ZFTRAF1: variants seen among roughly 807,000 people sequenced by gnomAD.
ZFTRAF1 encodes the protein zinc finger TRAF-type-containing protein 1.
At chr8:144,451,117 G>T in the ZFTRAF1 span, 1 of 262,124 alleles carries the variant, frequency 3.8e-6, no homozygotes, top group South Asian at 8.1e-5. Flanking sequence ...CACACAGACA[G>T]GATGCGGTTC....
the ZFTRAF1 span, chr8:144,451,077 C>T: frequency 2.9e-6 from 1 of 338,988 alleles, no homozygotes; most frequent in Non-Finnish European, 5.5e-6. Flanking sequence ...GCCCCGAGCC[C>T]CGGGTGTCCC....
the ZFTRAF1 span, chr8:144,449,815 G>A: frequency 1.9e-5 from 3 of 161,592 alleles, no homozygotes; most frequent in South Asian, 5.0e-4. Context: ...GTCTTTCCTC[G>A]GGGGACGTGT....
At chr8:144,458,533 C>A in the ZFTRAF1 span, among the ~76,000 whole-genome samples, 140,676 of 152,236 alleles carry the variant, frequency 0.92, 65,713 homozygotes, top group Non-Finnish European at 1. Context: ...CTCCACCCCC[C>A]CAGGACTGCA....
the ZFTRAF1 span, chr8:144,456,101 T>C: frequency 6.6e-5 from 10 of 151,810 alleles, no homozygotes; most frequent in Non-Finnish European, 1.0e-4. Context: ...AATAGCTCCA[T>C]TCAAGTCAGA....
the ZFTRAF1 span, chr8:144,453,435 G>A: frequency 1.3e-6 from 2 of 1,551,006 alleles, no homozygotes; most frequent in Admixed American, 2.0e-5. Flanking sequence ...AAAACAGCCA[G>A]CGCACATCAA....
chr8:144,459,126 C>T, the ZFTRAF1 span, among the ~76,000 whole-genome samples: 8 of 152,236 alleles, frequency 5.3e-5, no homozygotes, highest in African/African-American at 9.6e-5. Flanking sequence ...GATGAGGCTG[C>T]GGCTGCAACG....
chr8:144,461,898 G>A, the ZFTRAF1 span, among the ~76,000 whole-genome samples: 5 of 152,244 alleles, frequency 3.3e-5, no homozygotes, highest in Admixed American at 2.0e-4. Flanking sequence ...GCTTGGGACC[G>A]GGTGGGTTGC....
the ZFTRAF1 span, among the ~76,000 whole-genome samples, chr8:144,459,773 G>A: frequency 9.9e-4 from 151 of 152,324 alleles, no homozygotes; most frequent in Non-Finnish European, 1.9e-3. Flanking sequence ...CCAGAGTCAG[G>A]GACTGTCTAA....
At chr8:144,453,550 T>A in the ZFTRAF1 span, 2 of 1,213,304 alleles carry the variant, frequency 1.6e-6, no homozygotes. Context: ...CAGCCAGGTG[T>A]CCTGAGGGAC....
At chr8:144,455,020 G>A in the ZFTRAF1 span, 1 of 152,208 alleles carries the variant, frequency 6.6e-6, no homozygotes, top group African/African-American at 2.4e-5. Context: ...TTCTCAGTTT[G>A]GTTAAAAATT....
chr8:144,450,264 C>A, the ZFTRAF1 span: 1 of 623,470 alleles, frequency 1.6e-6, no homozygotes, highest in Admixed American at 2.5e-5. Flanking sequence ...TTCGTTTGTT[C>A]TCCTCCTTTG....
chr8:144,450,194 G>T, the ZFTRAF1 span: 2,403 of 579,550 alleles, frequency 4.1e-3, 54 homozygotes, highest in African/African-American at 0.041. Flanking sequence ...CAGGGGTCGG[G>T]GGGGTGAGCC....
chr8:144,452,352 G>A, the ZFTRAF1 span: 36 of 1,547,666 alleles, frequency 2.3e-5, no homozygotes, highest in Admixed American at 7.8e-5. Context: ...GCGGCGGGGC[G>A]CCTCACCTGT....
chr8:144,450,660 C>T, the ZFTRAF1 span: 1 of 717,824 alleles, frequency 1.4e-6, no homozygotes, highest in Non-Finnish European at 2.6e-6. Flanking sequence ...CGCTCCGAGT[C>T]GTTGACTCGA....
At chr8:144,452,760 G>A in the ZFTRAF1 span, among the ~76,000 whole-genome samples, 1 of 152,218 alleles carries the variant, frequency 6.6e-6, no homozygotes, top group Non-Finnish European at 1.5e-5. Context: ...GAAAAAGGGA[G>A]AGAGAGGGGA....
chr8:144,456,865 A>G, the ZFTRAF1 span: 24 of 150,518 alleles, frequency 1.6e-4, no homozygotes, highest in African/African-American at 5.6e-4. Context: ...GGGGAATTGC[A>G]TCATGGGGGG....
At chr8:144,454,003 G>A in the ZFTRAF1 span, 5 of 154,796 alleles carry the variant, frequency 3.2e-5, no homozygotes, top group South Asian at 2.0e-4. Context: ...CAGGGAGGTT[G>A]GCTACCTGCA....
the ZFTRAF1 span, chr8:144,452,692 A>G: frequency 2.2e-6 from 2 of 892,952 alleles, no homozygotes; most frequent in Admixed American, 5.0e-5. Flanking sequence ...CGTAACTGTG[A>G]GCCCACCCCC....
chr8:144,453,736 G>A, the ZFTRAF1 span: 16 of 388,152 alleles, frequency 4.1e-5, no homozygotes, highest in Middle Eastern at 1.5e-3. Context: ...TGGCAGTGAC[G>A]GGTTCAGCCA....
Sources: allele counts gnomAD v4.1 joint callset (sites outside exome capture counted in the v4.1 genomes callset), GRCh38; gene constraint gnomAD v4.1.1; transcripts MANE v1.5; gene names NCBI Gene and HGNC (gene_info 2026-07-23, HGNC 2026-07-21).